Variants in KCNG3 observed in about 807,000 individuals in gnomAD.
The protein encoded by KCNG3 is voltage-gated potassium channel regulatory subunit KCNG3.
In KCNG3, 15 loss-of-function variants were observed where a neutral mutation model predicts 29.0. The ratio of observed to expected loss-of-function variants is 0.52; its 90% CI spans 0.35 to 0.80. The LOEUF is 0.80. Ranked by LOEUF, KCNG3 falls within the 30% of genes least tolerant of loss-of-function variation. KCNG3 has a pLI of 0.01. For missense variants in KCNG3, 512 were observed against 605.7 expected (o/e 0.85, Z 1.62); for synonymous variants, 322 against 248.9 (o/e 1.29, Z -2.76).
the KCNG3 span, among the ~76,000 whole-genome samples, chr2:42,408,549 C>T: frequency 3.3e-5 from 5 of 152,042 alleles, no homozygotes; most frequent in Admixed American, 2.0e-4. Context: ...AGCTTCCCAC[C>T]CCAGGGTCTC....
At chr2:42,484,355 G>T (rs1263561353) in intron 1 of KCNG3, among the ~76,000 whole-genome samples, 1 of 152,126 alleles carries the variant, frequency 6.6e-6, no homozygotes, top group Non-Finnish European at 1.5e-5. Context: ...CCAGCTACTC[G>T]GGGGGCTGAG....
chr2:42,423,112 G>C, the KCNG3 span, among the ~76,000 whole-genome samples: 1 of 152,146 alleles, frequency 6.6e-6, no homozygotes, highest in Non-Finnish European at 1.5e-5. Flanking sequence ...CAGTCGGCTT[G>C]ATATTTCCAT....
chr2:42,472,918 T>C (rs1425551779), intron 1 of KCNG3, among the ~76,000 whole-genome samples: 2 of 147,622 alleles, frequency 1.4e-5, no homozygotes, highest in Non-Finnish European at 3.0e-5. Flanking sequence ...TTTTTTTTTT[T>C]TGAAACAGAG....
Position 42,442,533 on chromosome 2 carries a change from T to A in KCNG3, c.*1401A>T, listed in dbSNP as rs1327402315. 1 of 152,226 alleles carries A rather than the reference T, an allele frequency of 6.6e-6. No homozygotes were observed. Among genetic ancestry groups the A allele is most frequent in the Non-Finnish European group, 1.5e-5 (1 of 68,058 alleles). 9.4% of individuals were successfully genotyped at this position (152,226 alleles called of 1,614,324 possible). A position where few individuals can be genotyped will look rare whatever the true frequency, so the allele number is the denominator to read the frequency against. Reference sequence around the variant, plus strand: ...TTAATGAACACTTCTGGTAACCCTTTATTTGATAAATATATCCAGGTCCTC... The same window carrying A: ...TTAATGAACACTTCTGGTAACCCTTAATTTGATAAATATATCCAGGTCCTC... On this transcript the variant is annotated 3_prime_UTR_variant, in exon 2 of 2. Transcript: ENST00000306078.
At position 42,475,523 on chromosome 2, in the gene KCNG3, T is replaced by C. The variant is rs143308036; in HGVS notation, c.665+17314A>G. 6.8e-3 allele frequency among the ~76,000 whole-genome samples: 1,038 copies of C among 151,822 alleles called. 25 individuals are homozygous for C. The highest frequency in any genetic ancestry group is 4.7e-3 in the Non-Finnish European group (318 of 67,940). ...CTTTTATTTTTTTGTAGACACGGGA[T>C]TTCGCCATGTTGGCCAAGCTGGTCT... On this transcript the variant is annotated intron_variant, in intron 1 of 1. Transcript: ENST00000306078.
intron 1 of KCNG3, among the ~76,000 whole-genome samples, chr2:42,475,338 T>G (rs1170172570): frequency 1.3e-5 from 2 of 150,416 alleles, no homozygotes; most frequent in African/African-American, 4.9e-5. Flanking sequence ...TTTTTTTTTT[T>G]TTTTTGAGAT....
At position 42,444,853 on chromosome 2, in the gene KCNG3, G is replaced by A. The variant is rs1352687158; in HGVS notation, c.666-274C>T. Among the ~76,000 whole-genome samples, 1 of 151,324 alleles carries A rather than the reference G, an allele frequency of 6.6e-6. No homozygotes were observed. Among genetic ancestry groups the A allele is most frequent in the Admixed American group, 6.6e-5 (1 of 15,094 alleles). ...GAGGTGGGTGAATCGCTTGAGCCCA[G>A]GAGTTCGAGACCAACCTGGGCACCA... is the stretch of plus-strand genomic sequence containing the variant. On this transcript the variant is annotated intron_variant, in intron 1 of 1. Coordinates refer to ENST00000306078, the MANE Select transcript of KCNG3 (RefSeq NM_133329.6). The surrounding 1 kb of genome is among the most constrained non-coding windows in gnomAD (Gnocchi z 5.8).
the KCNG3 span, among the ~76,000 whole-genome samples, chr2:42,417,191 T>TGA: frequency 6.6e-6 from 1 of 152,160 alleles, no homozygotes; most frequent in Non-Finnish European, 1.5e-5. Context: ...TGCAGTGAGC[T>TGA]GAGGTTGCAC....
chr2:42,405,495 G>A, the KCNG3 span, among the ~76,000 whole-genome samples: 1 of 151,144 alleles, frequency 6.6e-6, no homozygotes, highest in Non-Finnish European at 1.5e-5. Context: ...CTGGAATGCA[G>A]TGGCGTGATC....
chr2:42,457,669 A>ACAC (rs1553327832), intron 1 of KCNG3, among the ~76,000 whole-genome samples: 12 of 144,588 alleles, frequency 8.3e-5, no homozygotes, highest in East Asian at 4.0e-4. Flanking sequence ...ACACACACAC[A>ACAC]AGGCTGGGCG....
Position 42,493,279 on chromosome 2 carries a change from G to A in KCNG3, c.223C>T (p.Leu75Phe). 1 of 1,612,132 alleles carries A rather than the reference G, an allele frequency of 6.2e-7. No homozygotes were observed. Among genetic ancestry groups the A allele is most frequent in the Non-Finnish European group, 8.5e-7 (1 of 1,179,714 alleles). ...RHSEAFGFIL[L>F]YVRGHGKLRF... Reference sequence around the variant, plus strand: ...AGCTTGCCGTGGCCGCGCACGTAGAGCAGGATGAAGCCGAAGGCCTCCGAG... The same window carrying A: ...AGCTTGCCGTGGCCGCGCACGTAGAACAGGATGAAGCCGAAGGCCTCCGAG... The change falls in exon 1 of 2, where the codon CTC becomes TTC. Residue 75 changes from leucine to phenylalanine, a missense_variant. Transcript: ENST00000306078.
At chr2:42,392,484 G>C in the KCNG3 span, among the ~76,000 whole-genome samples, 1 of 152,126 alleles carries the variant, frequency 6.6e-6, no homozygotes, top group South Asian at 2.1e-4. Context: ...AGGGGTGGTA[G>C]TGCACAGCTG....
At position 42,493,479 on chromosome 2, in the gene KCNG3, G is replaced by A. The variant is rs760426436; in HGVS notation, c.23C>T (p.Ala8Val). The change falls in exon 1 of 2, where the codon GCG becomes GTG. Residue 8 changes from alanine to valine, a missense_variant. This residue lies in a region of KCNG3 where 18 missense variants were observed against 36.1 expected (regional missense o/e 0.50). Transcript: ENST00000306078. Reference protein sequence around the residue: MTFGRSGAASVVLNVGGA... With the variant: MTFGRSGVASVVLNVGGA... ...GCCCACGTTCAGCACCACCGAGGCC[G>A]CCCCGCTGCGCCCGAAGGTCATGGC... 2.8e-6 allele frequency: 4 copies of A among 1,419,374 alleles called. No homozygotes were observed. Among genetic ancestry groups the A allele is most frequent in the Admixed American group, 3.0e-5 (1 of 33,446 alleles). 87.9% of individuals were successfully genotyped at this position (1,419,374 alleles called of 1,614,324 possible).
At chr2:42,465,093 G>C (rs1496330) in intron 1 of KCNG3, among the ~76,000 whole-genome samples, 1 of 151,952 alleles carries the variant, frequency 6.6e-6, no homozygotes, top group Non-Finnish European at 1.5e-5. Context: ...AACAATTAGA[G>C]ATAATGCATT....
chr2:42,459,919 G>A (rs1294033967), intron 1 of KCNG3, among the ~76,000 whole-genome samples: 1 of 151,630 alleles, frequency 6.6e-6, no homozygotes, highest in African/African-American at 2.4e-5. Context: ...GAGCTTGCAG[G>A]GAGCCGAGAT....
intron 1 of KCNG3, among the ~76,000 whole-genome samples, chr2:42,452,629 T>C (rs1000717856): frequency 6.6e-6 from 1 of 152,186 alleles, no homozygotes; most frequent in Non-Finnish European, 1.5e-5. Context: ...AAGAAGTATG[T>C]CTTTCTGTGC....
At chr2:42,430,124 T>G in the KCNG3 span, among the ~76,000 whole-genome samples, 1 of 152,158 alleles carries the variant, frequency 6.6e-6, no homozygotes, top group African/African-American at 2.4e-5. Flanking sequence ...TCCAGCAATT[T>G]GGGTGGCCAA....
Position 42,468,489 on chromosome 2 carries a change from T to A in KCNG3, c.666-23910A>T, listed in dbSNP as rs143533019. Reference sequence around the variant, plus strand: ...GAAATTATAATTTTTAAAAAGGATATAATCAGCAATAGCAACACAAGTTAT... The same window carrying A: ...GAAATTATAATTTTTAAAAAGGATAAAATCAGCAATAGCAACACAAGTTAT... On this transcript the variant is annotated intron_variant, in intron 1 of 1. Coordinates refer to ENST00000306078, the MANE Select transcript of KCNG3 (RefSeq NM_133329.6). Among the ~76,000 whole-genome samples the A allele has an allele frequency of 3.0e-3, 461 of 152,186 alleles. 4 individuals are homozygous for A. Among genetic ancestry groups the A allele is most frequent in the African/African-American group, 0.011 (451 of 41,542 alleles).
At chr2:42,491,017 T>C (rs748964780) in intron 1 of KCNG3, among the ~76,000 whole-genome samples, 4 of 152,224 alleles carry the variant, frequency 2.6e-5, no homozygotes, top group Non-Finnish European at 5.9e-5. Context: ...AAGCTAAAAC[T>C]GGGCCATTAA....
Sources: allele counts gnomAD v4.1 joint callset (sites outside exome capture counted in the v4.1 genomes callset), GRCh38; gene constraint gnomAD v4.1.1; regional missense constraint gnomAD v4.1.1; non-coding constraint Gnocchi (gnomAD v3.1); transcripts MANE v1.5; gene names NCBI Gene and HGNC (gene_info 2026-07-23, HGNC 2026-07-21).